CALN1: variants seen among roughly 807,000 people sequenced by gnomAD.
CALN1 encodes the protein calneuron 1.
A neutral mutation model predicts 30.6 loss-of-function variants in CALN1; 17 were observed. That is an observed-to-expected ratio of 0.56 (90% CI 0.38 to 0.83). The LOEUF is 0.83. Ranked by LOEUF, CALN1 falls within the 40% of genes least tolerant of loss-of-function variation. The pLI is 0.00. For missense variants in CALN1, 291 were observed against 354.9 expected (o/e 0.82, Z 1.45); for synonymous variants, 156 against 131.4 (o/e 1.19, Z -1.28).
chr7:72,248,652 C>G (rs1795347639), intron 3 of CALN1, among the ~76,000 whole-genome samples: 1 of 152,096 alleles, frequency 6.6e-6, no homozygotes, highest in Non-Finnish European at 1.5e-5. Flanking sequence ...CTCTCCATCT[C>G]AACATCCTAA....
chr7:71,795,255 T>C (rs1786827460), intron 6 of CALN1, among the ~76,000 whole-genome samples: 1 of 151,996 alleles, frequency 6.6e-6, no homozygotes, highest in Non-Finnish European at 1.5e-5. Context: ...CTCTCGACCT[T>C]GTGATCCATC....
Position 71,845,666 on chromosome 7 carries a change from C to T in CALN1, c.502-35174G>A, listed in dbSNP as rs181752412. On this transcript the variant is annotated intron_variant, in intron 5 of 6. Transcript: ENST00000395275. ...GTTAGAAATAGATACACTCAGGCCC[C>T]GTCCAGAGACTCTGGGGTGGCATCC... 8.9e-4 allele frequency among the ~76,000 whole-genome samples: 135 copies of T among 152,274 alleles called. 1 individual carries two copies. The highest frequency in any genetic ancestry group is 3.4e-4 in the Non-Finnish European group (23 of 68,026).
At chr7:72,195,854 G>C (rs1483277120) in intron 3 of CALN1, among the ~76,000 whole-genome samples, 2 of 152,058 alleles carry the variant, frequency 1.3e-5, no homozygotes, top group African/African-American at 4.8e-5. Context: ...TTGAAAAATG[G>C]ATAAACAAAA....
chr7:71,867,368 C>G (rs1415935187), intron 5 of CALN1, among the ~76,000 whole-genome samples: 1 of 152,024 alleles, frequency 6.6e-6, no homozygotes, highest in African/African-American at 2.4e-5. Flanking sequence ...AGAATTTGAC[C>G]ACATGTAGGT....
chr7:72,212,624 G>A (rs916183998), intron 3 of CALN1, among the ~76,000 whole-genome samples: 3 of 151,868 alleles, frequency 2.0e-5, no homozygotes, highest in African/African-American at 7.3e-5. Context: ...AGACCAGCAG[G>A]GGCAGCAAAG....
At chr7:72,268,713 C>T (rs752792372) in intron 3 of CALN1, among the ~76,000 whole-genome samples, 1 of 151,806 alleles carries the variant, frequency 6.6e-6, no homozygotes, top group Non-Finnish European at 1.5e-5. Context: ...AGGAGAATCA[C>T]TTCAGCCCAG....
At chr7:71,851,253 A>ACACACC in intron 5 of CALN1, among the ~76,000 whole-genome samples, 1 of 141,606 alleles carries the variant, frequency 7.1e-6, no homozygotes, top group South Asian at 2.3e-4. Context: ...ACACACACAC[A>ACACACC]TCACACATAT....
At chr7:72,415,404 G>A (rs532725509), upstream of CALN1, among the ~76,000 whole-genome samples, 1 of 152,338 alleles carries the variant, frequency 6.6e-6, no homozygotes, top group African/African-American at 2.4e-5. Flanking sequence ...CTCCCTTTGT[G>A]CAAGGCGGTA....
intron 3 of CALN1, among the ~76,000 whole-genome samples, chr7:72,161,178 T>C (rs1367383506): frequency 6.6e-6 from 1 of 152,196 alleles, no homozygotes; most frequent in Non-Finnish European, 1.5e-5. Context: ...AATAAGAGGA[T>C]GACATAAGGA....
intron 2 of CALN1, among the ~76,000 whole-genome samples, chr7:72,296,444 G>A (rs554444354): frequency 6.6e-6 from 1 of 151,098 alleles, no homozygotes; most frequent in Admixed American, 6.6e-5. Flanking sequence ...AATGGTACCA[G>A]TTCCTCCTTG....
intron 5 of CALN1, among the ~76,000 whole-genome samples, chr7:71,828,678 T>C (rs1328922723): frequency 3.4e-5 from 5 of 149,236 alleles, no homozygotes; most frequent in African/African-American, 7.4e-5. Context: ...ATGTAAGATA[T>C]ATACATAAGA....
upstream of CALN1, among the ~76,000 whole-genome samples, chr7:72,413,710 ATACACT>A (rs138690823): frequency 3.9e-5 from 6 of 152,166 alleles, no homozygotes; most frequent in East Asian, 1.2e-3. Context: ...ACATACACAT[ATACACT>A]TACACTTATA....
chr7:72,501,922 AAAAAAAAT>A, the CALN1 span, among the ~76,000 whole-genome samples: 5 of 86,040 alleles, frequency 5.8e-5, no homozygotes, highest in African/African-American at 2.7e-4. Context: ...AAAAAAAAAA[AAAAAAAAT>A]ATATATATAT....
intron 3 of CALN1, among the ~76,000 whole-genome samples, chr7:72,162,296 T>C (rs1585067084): frequency 6.6e-6 from 1 of 151,934 alleles, no homozygotes; most frequent in African/African-American, 2.4e-5. Context: ...AATGGCAGAG[T>C]AGCTCTTATC....
chr7:71,931,930 A>G (rs1795576311), intron 5 of CALN1, among the ~76,000 whole-genome samples: 2 of 152,212 alleles, frequency 1.3e-5, no homozygotes, highest in Admixed American at 1.3e-4. Flanking sequence ...TTTGGAAGTG[A>G]GACACATGAG....
intron 3 of CALN1, among the ~76,000 whole-genome samples, chr7:72,209,413 CTTCCCTCT>C (rs1459326341): frequency 1.0e-5 from 1 of 98,548 alleles, no homozygotes; most frequent in Non-Finnish European, 1.8e-5. Context: ...TCCTTCCCTC[CTTCCCTCT>C]TTCCTTCCCT....
intron 3 of CALN1, among the ~76,000 whole-genome samples, chr7:72,150,911 G>C (rs1241986838): frequency 6.6e-6 from 1 of 152,046 alleles, no homozygotes; most frequent in Non-Finnish European, 1.5e-5. Context: ...TGATGGTGAC[G>C]ATGACACTGT....
At chr7:72,013,052 C>T (rs1322721381) in intron 5 of CALN1, among the ~76,000 whole-genome samples, 2 of 152,092 alleles carry the variant, frequency 1.3e-5, no homozygotes, top group African/African-American at 4.8e-5. Flanking sequence ...CCTGCCTCGG[C>T]CTCCCAAAGC....
intron 5 of CALN1, among the ~76,000 whole-genome samples, chr7:71,943,445 A>C (rs555778796): frequency 6.6e-6 from 1 of 151,756 alleles, no homozygotes; most frequent in Non-Finnish European, 1.5e-5. Context: ...CAACAAAAGA[A>C]TTTTTCTTTT....
Sources: gnomAD v4.1 joint callset for allele counts (sites outside exome capture counted in the v4.1 genomes callset) on GRCh38, gnomAD v4.1.1 for gene constraint, MANE v1.5 for transcripts, NCBI Gene and HGNC (gene_info 2026-07-23, HGNC 2026-07-21) for gene names.